The following TIAM1 variants were observed in gnomAD, a reference collection of about 807,000 sequenced individuals.
TIAM1 encodes the protein rho guanine nucleotide exchange factor TIAM1.
TIAM1 carries 65 observed loss-of-function variants against 163.5 expected under a neutral mutation model. The observed-to-expected ratio is 0.40, with a 90% CI of 0.33 to 0.49. The LOEUF is 0.49. Ranked by LOEUF, TIAM1 falls within the 20% of genes least tolerant of loss-of-function variation. TIAM1 has a pLI of 0.77. For missense variants in TIAM1, 1,789 were observed against 2,044.7 expected (o/e 0.87, Z 2.41); for synonymous variants, 833 against 810.1 (o/e 1.03, Z -0.48).
chr21:31,303,843 C>G (rs867173094), intron 2 of TIAM1, among the ~76,000 whole-genome samples: 1 of 151,862 alleles, frequency 6.6e-6, no homozygotes, highest in African/African-American at 2.4e-5. Flanking sequence ...CCAGGCGTAG[C>G]GGCATGCACC....
chr21:31,540,168 T>G (rs540843738), intron 1 of TIAM1, among the ~76,000 whole-genome samples: 23 of 152,106 alleles, frequency 1.5e-4, no homozygotes, highest in African/African-American at 5.3e-4. Context: ...GGTGGATTAC[T>G]GGAGGTCGGG....
At chr21:31,171,028 T>G (rs1488652253) in intron 15 of TIAM1, among the ~76,000 whole-genome samples, 1 of 94,480 alleles carries the variant, frequency 1.1e-5, no homozygotes, top group Non-Finnish European at 1.8e-5. Flanking sequence ...AGAGTGAGAC[T>G]CCATCTCAAA....
chr21:31,370,528 T>C (rs962906286), intron 2 of TIAM1, among the ~76,000 whole-genome samples: 1 of 152,146 alleles, frequency 6.6e-6, no homozygotes, highest in Non-Finnish European at 1.5e-5. Flanking sequence ...CCAAAGTAGA[T>C]TGGCCACAGG....
intron 2 of TIAM1, among the ~76,000 whole-genome samples, chr21:31,331,932 T>C (rs1369793649): frequency 6.6e-6 from 1 of 152,228 alleles, no homozygotes; most frequent in African/African-American, 2.4e-5. Context: ...TGCTTTCTTT[T>C]AACTACAAGG....
chr21:31,341,329 G>A (rs1270158839), intron 1 of TIAM1, among the ~76,000 whole-genome samples: 2 of 152,336 alleles, frequency 1.3e-5, no homozygotes, highest in African/African-American at 2.4e-5. Flanking sequence ...AAGGGGCAGA[G>A]CAAGAATTCA....
chr21:31,275,938 A>G (rs903236539), intron 3 of TIAM1, among the ~76,000 whole-genome samples: 4 of 152,238 alleles, frequency 2.6e-5, no homozygotes, highest in African/African-American at 9.6e-5. Context: ...TTAAAAACTT[A>G]TTAAAATAAA....
rs1441020831 is a variant in TIAM1, at chr21:31,119,176, C to T, written c.*1192G>A. 3 of 151,864 alleles carry T rather than the reference C, an allele frequency of 2.0e-5. No homozygotes were observed. Among genetic ancestry groups the T allele is most frequent in the African/African-American group, 7.3e-5 (3 of 41,022 alleles). The allele number at this position is 151,864 out of a possible 1,614,324, so 9.4% of individuals were successfully genotyped here. On this transcript the variant is annotated 3_prime_UTR_variant, in exon 28 of 28. Coordinates refer to ENST00000541036, the MANE Select transcript of TIAM1 (RefSeq NM_001353694.2). ...CTTAGTATTTGGATATCTGTTTAGA[C>T]TGTTAATGTTTTGAGCATGTTTACC...
chr21:31,439,944 T>A (rs943300838), intron 2 of TIAM1, among the ~76,000 whole-genome samples: 2 of 152,160 alleles, frequency 1.3e-5, no homozygotes, highest in Non-Finnish European at 2.9e-5. Context: ...AACAAAACCA[T>A]GGATGGCTGA....
chr21:31,381,406 A>G (rs2076776671), intron 2 of TIAM1, among the ~76,000 whole-genome samples: 1 of 152,076 alleles, frequency 6.6e-6, no homozygotes, highest in Non-Finnish European at 1.5e-5. Context: ...AGTGGCTCAC[A>G]CCTGTAATCC....
chr21:31,225,818 T>TCA lies in TIAM1; in HGVS notation c.1716_1717insTG (p.Lys573Ter). ...TTCATCTTTTCATCCATGTCAATCTTCTGTTCCAGTTTTTTGATCTCTGAT... is the reference window on the plus strand; with the variant it reads ...TTCATCTTTTCATCCATGTCAATCTTCACTGTTCCAGTTTTTTGATCTCTGAT... On this transcript the variant is annotated frameshift_variant, in exon 7 of 28. Transcript: ENST00000541036. LOFTEE classifies it high-confidence loss of function. The TCA allele has an allele frequency of 1.2e-6, 2 of 1,614,228 alleles. No homozygotes were observed. Among genetic ancestry groups the TCA allele is most frequent in the Non-Finnish European group, 1.7e-6 (2 of 1,180,044 alleles).
chr21:31,543,175 C>T (rs2048373264), intron 1 of TIAM1, among the ~76,000 whole-genome samples: 1 of 152,148 alleles, frequency 6.6e-6, no homozygotes, highest in African/African-American at 2.4e-5. Flanking sequence ...TGGCTGGAAA[C>T]TGCTCATCAG....
intron 2 of TIAM1, among the ~76,000 whole-genome samples, chr21:31,279,262 C>G (rs1327187383): frequency 1.3e-5 from 2 of 152,188 alleles, no homozygotes; most frequent in African/African-American, 4.8e-5. Context: ...TGCCTATGAC[C>G]CTGGTTGCGG....
At chr21:31,448,094 A>C (rs545120220) in intron 2 of TIAM1, among the ~76,000 whole-genome samples, 1 of 152,272 alleles carries the variant, frequency 6.6e-6, no homozygotes, top group African/African-American at 2.4e-5. Flanking sequence ...CAGTCTACTG[A>C]TTTCAAGGTT....
chr21:31,212,767 A>ATTTTTT (rs561368307), intron 10 of TIAM1: 1 of 142,416 alleles, frequency 7.0e-6, no homozygotes, highest in Non-Finnish European at 1.5e-5. Flanking sequence ...TGTCCAGCTA[A>ATTTTTT]TTTTTTTTTT....
chr21:31,185,978 C>T (rs1246566621), intron 14 of TIAM1, among the ~76,000 whole-genome samples: 1 of 152,194 alleles, frequency 6.6e-6, no homozygotes, highest in Admixed American at 6.5e-5. Flanking sequence ...TAATTTCAGA[C>T]TTCTGGCCTC....
At chr21:31,291,466 C>T (rs1259189183) in intron 2 of TIAM1, among the ~76,000 whole-genome samples, 2 of 152,212 alleles carry the variant, frequency 1.3e-5, no homozygotes, top group African/African-American at 4.8e-5. Flanking sequence ...TGCTGATCTG[C>T]ACCCCCTCCA....
chr21:31,192,083 T>C (rs970551164), intron 13 of TIAM1, among the ~76,000 whole-genome samples: 1 of 152,232 alleles, frequency 6.6e-6, no homozygotes, highest in African/African-American at 2.4e-5. Context: ...AAACATTTAT[T>C]CCTTGCCATG....
intron 2 of TIAM1, among the ~76,000 whole-genome samples, chr21:31,423,872 G>C (rs970536553): frequency 3.4e-5 from 4 of 118,578 alleles, no homozygotes; most frequent in African/African-American, 1.2e-4. Flanking sequence ...GCGGGGGGGG[G>C]GTCAAGGGAG....
chr21:31,126,341 G>A (rs1017345040), intron 26 of TIAM1, among the ~76,000 whole-genome samples: 2 of 152,102 alleles, frequency 1.3e-5, no homozygotes, highest in African/African-American at 2.4e-5. Context: ...GGCCGAGGCA[G>A]GCAGACCACG....
Sources: allele counts gnomAD v4.1 joint callset (sites outside exome capture counted in the v4.1 genomes callset), GRCh38; gene constraint gnomAD v4.1.1; transcripts MANE v1.5; gene names NCBI Gene and HGNC (gene_info 2026-07-23, HGNC 2026-07-21).